The following SBF2 variants were observed in gnomAD, a reference collection of about 807,000 sequenced individuals.
SBF2 encodes SET binding factor 2.
Under a neutral mutation model 225.2 loss-of-function variants are expected in SBF2, and 112 were observed. The observed-to-expected ratio is 0.50, with a 90% CI of 0.43 to 0.58. The LOEUF is 0.58. SBF2 is among the 20% of genes least tolerant of loss of function. The pLI is 0.00. For missense variants in SBF2, 1,996 were observed against 2,206.2 expected, an observed-to-expected ratio of 0.90 and a Z score of 1.91; for synonymous variants, 763 against 773.3, an observed-to-expected ratio of 0.99 and a Z score of 0.22.
At chr11:10,080,742 A>G (rs1435992239) in intron 2 of SBF2, among the ~76,000 whole-genome samples, 1 of 152,196 alleles carries the variant, frequency 6.6e-6, no homozygotes, top group African/African-American at 2.4e-5. Context: ...AAAGACATGT[A>G]CAGACTGAAG....
intron 2 of SBF2, among the ~76,000 whole-genome samples, chr11:10,078,040 CTCA>C (rs367852220): frequency 0.014 from 2,199 of 152,316 alleles, 36 homozygotes; most frequent in African/African-American, 0.037. Context: ...TGAAAAAATG[CTCA>C]TCATCACTGG....
chr11:10,164,277 T>C (rs1168283994), intron 2 of SBF2, among the ~76,000 whole-genome samples: 4 of 152,292 alleles, frequency 2.6e-5, no homozygotes, highest in East Asian at 1.9e-4. Flanking sequence ...CATAATTTTG[T>C]AGGACATAAT....
At chr11:10,215,071 A>T (rs1021117274) in intron 1 of SBF2, among the ~76,000 whole-genome samples, 6 of 152,132 alleles carry the variant, frequency 3.9e-5, no homozygotes, top group Admixed American at 1.3e-4. Context: ...GAAGCTACAG[A>T]ATTAGAAACC....
chr11:9,928,478 G>C (rs1025655461), intron 16 of SBF2, among the ~76,000 whole-genome samples: 2 of 152,150 alleles, frequency 1.3e-5, no homozygotes, highest in African/African-American at 2.4e-5. Context: ...GGAAATACTG[G>C]AACTCTCATA....
chr11:10,088,084 C>T (rs1015881527), intron 2 of SBF2, among the ~76,000 whole-genome samples: 9 of 151,270 alleles, frequency 5.9e-5, no homozygotes, highest in Admixed American at 3.3e-4. Context: ...AGTGCAGTGG[C>T]GTGATCTCAG....
chr11:10,127,505 ATATCTT>A (rs1447746881), intron 2 of SBF2, among the ~76,000 whole-genome samples: 2 of 151,992 alleles, frequency 1.3e-5, no homozygotes, highest in Non-Finnish European at 1.5e-5. Context: ...CTCCCCATCT[ATATCTT>A]TATCTTAACC....
At chr11:9,808,595 T>C (rs1853985117) in intron 31 of SBF2, 1 of 410,156 alleles carries the variant, frequency 2.4e-6, no homozygotes, top group Admixed American at 3.7e-5. Context: ...AGCCAGGGGA[T>C]GGACTGACAA....
chr11:10,184,108 A>G (rs1034804497), intron 2 of SBF2, among the ~76,000 whole-genome samples: 2 of 152,266 alleles, frequency 1.3e-5, no homozygotes, highest in African/African-American at 4.8e-5. Context: ...ATAAACATGT[A>G]GAATTATTAC....
In SBF2 at chr11:10,008,894, C is replaced by A. The variant is rs558690040; in HGVS notation, c.620-6205G>T. 2.6e-5 allele frequency among the ~76,000 whole-genome samples: 4 copies of A among 152,350 alleles called. No individual in the cohort carries two copies. The South Asian group carries it at 8.3e-4, about 32-fold the overall frequency. ...ACTGGAGCAGCCTTCTCAATGCTTA[C>A]CTCTTTTCCTGGGCAATTATCCTCC... On this transcript the variant is annotated intron_variant, in intron 6 of 39. Coordinates refer to ENST00000256190, the MANE Select transcript of SBF2 (RefSeq NM_030962.4).
intron 2 of SBF2, among the ~76,000 whole-genome samples, chr11:10,193,094 T>C (rs902532550): frequency 1.3e-5 from 2 of 152,130 alleles, no homozygotes; most frequent in East Asian, 3.9e-4. Flanking sequence ...CCTTCAGACC[T>C]TGTAGCTAAA....
At chr11:10,119,784 T>G (rs1223163674) in intron 2 of SBF2, among the ~76,000 whole-genome samples, 1 of 152,186 alleles carries the variant, frequency 6.6e-6, no homozygotes, top group East Asian at 1.9e-4. Flanking sequence ...TACAATTACT[T>G]ATGTTTTTAT....
intron 17 of SBF2, among the ~76,000 whole-genome samples, chr11:9,876,953 GCT>G (rs1590300065): frequency 6.6e-6 from 1 of 152,266 alleles, no homozygotes; most frequent in East Asian, 1.9e-4. Flanking sequence ...TGGCCAGGCT[GCT>G]CTCAAACTCC....
intron 2 of SBF2, among the ~76,000 whole-genome samples, chr11:10,169,142 G>T (rs182584517): frequency 6.6e-6 from 1 of 152,036 alleles, no homozygotes; most frequent in Non-Finnish European, 1.5e-5. Flanking sequence ...AGTAAATGGG[G>T]TATCCATCAC....
chr11:10,256,430 G>C (rs1017729176), intron 1 of SBF2, among the ~76,000 whole-genome samples: 2 of 152,158 alleles, frequency 1.3e-5, no homozygotes, highest in Admixed American at 6.5e-5. Flanking sequence ...CAGAGTTCCT[G>C]GGCCAGGCCA....
intron 15 of SBF2, among the ~76,000 whole-genome samples, chr11:9,962,669 A>G (rs548874309): frequency 1.8e-4 from 27 of 152,268 alleles, no homozygotes; most frequent in African/African-American, 6.5e-4. Flanking sequence ...TATGCATTAA[A>G]ACTCTTTTCG....
chr11:10,196,866 A>ATATATATATATATATATATTT, intron 1 of SBF2, among the ~76,000 whole-genome samples: 5 of 99,304 alleles, frequency 5.0e-5, no homozygotes, highest in South Asian at 3.5e-4. Flanking sequence ...ATATATATAT[A>ATATATATATATATATATATTT]TTTTTTTTTT....
At chr11:10,009,365 T>C (rs891189792) in intron 6 of SBF2, among the ~76,000 whole-genome samples, 1 of 152,132 alleles carries the variant, frequency 6.6e-6, no homozygotes, top group African/African-American at 2.4e-5. Context: ...CCCATCAACC[T>C]GTCATCTACA....
chr11:10,080,325 T>C (rs990666038), intron 2 of SBF2, among the ~76,000 whole-genome samples: 2 of 151,532 alleles, frequency 1.3e-5, no homozygotes, highest in South Asian at 2.1e-4. Flanking sequence ...ATAAAGTCTT[T>C]CCTAGACAAG....
intron 38 of SBF2, among the ~76,000 whole-genome samples, chr11:9,782,884 AAAAAAG>A (rs1852115721): frequency 6.6e-6 from 1 of 151,902 alleles, no homozygotes; most frequent in Non-Finnish European, 1.5e-5. Context: ...GAAAAAAAAA[AAAAAAG>A]AAAAAAGGAA....
Sources: gnomAD v4.1 joint callset for allele counts (sites outside exome capture counted in the v4.1 genomes callset) on GRCh38, gnomAD v4.1.1 for gene constraint, MANE v1.5 for transcripts, NCBI Gene and HGNC (gene_info 2026-07-23, HGNC 2026-07-21) for gene names.